Variants in PRKAA2 observed in about 807,000 individuals in gnomAD.
PRKAA2 encodes the protein 5'-AMP-activated protein kinase catalytic subunit alpha-2.
In PRKAA2, 40 loss-of-function variants were observed where a neutral mutation model predicts 56.3. The observed-to-expected ratio is 0.71, with a 90% confidence interval of 0.55 to 0.92. PRKAA2 has a LOEUF of 0.92. Among genes scored for constraint, PRKAA2 ranks in the 40% least tolerant of loss-of-function variants. The probability of loss-of-function intolerance (pLI) is 0.00; values close to 1 mark genes in which losing one functional copy is unlikely to be tolerated. For missense variants in PRKAA2, 542 were observed against 686.9 expected, an observed-to-expected ratio of 0.79 and a Z score of 2.36; for synonymous variants, 214 against 234.2, an observed-to-expected ratio of 0.91 and a Z score of 0.79.
chr1:56,690,999 G>T (rs1644225584), intron 2 of PRKAA2, among the ~76,000 whole-genome samples: 1 of 152,062 alleles, frequency 6.6e-6, no homozygotes, highest in Non-Finnish European at 1.5e-5. Flanking sequence ...CTCCCACCTT[G>T]GCCTTCCAAA....
chr1:56,647,724 T>C (rs1646654745), intron 1 of PRKAA2, among the ~76,000 whole-genome samples: 6 of 152,048 alleles, frequency 3.9e-5, no homozygotes, highest in Admixed American at 3.9e-4. Flanking sequence ...CATGTTTTTT[T>C]TTTTTGTTAG....
chr1:56,695,971 T>C lies in PRKAA2; in HGVS notation c.600T>C (p.Cys200=), dbSNP rs758847709. 2 of 1,612,512 alleles carry C rather than the reference T, an allele frequency of 1.2e-6. No homozygotes were observed. The highest frequency in any genetic ancestry group is 1.1e-5 in the South Asian group (1 of 90,948). ...YAGPEVDIWS[C]GVILYALLCG... ...GTCCTGAAGTTGATATCTGGAGCTG[T>C]GGTGTTATCTTGTATGCTCTTCTTT... Residue 200 remains cysteine, a synonymous_variant, in exon 6 of 9, where the codon TGT becomes TGC. Transcript: ENST00000371244.
intron 1 of PRKAA2, among the ~76,000 whole-genome samples, chr1:56,655,905 T>G (rs969534472): frequency 6.6e-6 from 1 of 152,178 alleles, no homozygotes; most frequent in African/African-American, 2.4e-5. Flanking sequence ...TGTCAGAGCC[T>G]CTACAGATTT....
At chr1:56,701,811 G>A (rs540895605) in intron 6 of PRKAA2, among the ~76,000 whole-genome samples, 4 of 151,398 alleles carry the variant, frequency 2.6e-5, no homozygotes, top group East Asian at 2.0e-4. Context: ...GGAGAATGGC[G>A]TGAACCCAGG....
At chr1:56,659,463 C>T (rs1643975789) in intron 1 of PRKAA2, among the ~76,000 whole-genome samples, 1 of 147,112 alleles carries the variant, frequency 6.8e-6, no homozygotes, top group African/African-American at 2.5e-5. Flanking sequence ...TGCCACCGCA[C>T]TCTAGCCTGG....
rs1644358568 is a variant in PRKAA2 at position 56,709,942 on chromosome 1, T to C, written c.*2229T>C. ...GAACTAATGGTCACAGTTTGGGTTC[T>C]TTTATGTGTATGTTTTTAAAACAGC... is the stretch of plus-strand genomic sequence containing the variant. On this transcript the variant is annotated 3_prime_UTR_variant, in exon 9 of 9. Transcript: ENST00000371244. 1 of 152,140 alleles carries C rather than the reference T, an allele frequency of 6.6e-6. No homozygotes were observed. Among genetic ancestry groups the C allele is most frequent in the Non-Finnish European group, 1.5e-5 (1 of 67,994 alleles). The allele number at this position is 152,140 out of a possible 1,614,324, so 9.4% of individuals were successfully genotyped here.
intron 4 of PRKAA2, among the ~76,000 whole-genome samples, chr1:56,693,117 G>A (rs1644239431): frequency 6.6e-6 from 1 of 152,126 alleles, no homozygotes; most frequent in Admixed American, 6.6e-5. Flanking sequence ...AGATTAAAGA[G>A]AAAGAGATAG....
At chr1:56,662,559 T>C (rs560913426) in intron 1 of PRKAA2, among the ~76,000 whole-genome samples, 1 of 152,254 alleles carries the variant, frequency 6.6e-6, no homozygotes, top group African/African-American at 2.4e-5. Flanking sequence ...CTAGGATTGA[T>C]TGCAGGCATG....
intron 1 of PRKAA2, among the ~76,000 whole-genome samples, chr1:56,652,297 T>C (rs10889004): frequency 0.87 from 132,413 of 151,976 alleles, 57,772 homozygotes; most frequent in Admixed American, 0.89. Flanking sequence ...AGGCGTGAGC[T>C]ATTGCGCCCG....
Position 56,692,408 on chromosome 1 carries a change from G to A in PRKAA2, c.381G>A (p.Val127=), listed in dbSNP as rs1381985860. 4 of 1,613,806 alleles carry A rather than the reference G, an allele frequency of 2.5e-6. No homozygotes were observed. The highest frequency in any genetic ancestry group is 1.3e-5 in the African/African-American group (1 of 74,884). Residue 127 remains valine (V), a synonymous_variant, in exon 4 of 9, where the codon GTG becomes GTA. Transcript: ENST00000371244. ...RRLFQQILSA[V]DYCHRHMVVH... ...TCTTTCAGCAGATTCTGTCTGCTGT[G>A]GATTACTGTCATAGGCATATGGTTG...
At chr1:56,645,874 G>T (rs1476533408) in intron 1 of PRKAA2, among the ~76,000 whole-genome samples, 2 of 152,190 alleles carry the variant, frequency 1.3e-5, no homozygotes, top group East Asian at 3.9e-4. Flanking sequence ...TTAGGGCGGG[G>T]ATCATCCACG....
chr1:56,653,837 C>T (rs1010675911), intron 1 of PRKAA2, among the ~76,000 whole-genome samples: 2 of 152,206 alleles, frequency 1.3e-5, no homozygotes, highest in East Asian at 1.9e-4. Context: ...TCACTTTTCA[C>T]CATCTTCTGT....
intron 1 of PRKAA2, among the ~76,000 whole-genome samples, chr1:56,671,130 T>C (rs115367301): frequency 1.4e-3 from 212 of 152,350 alleles, no homozygotes; most frequent in African/African-American, 5.0e-3. Flanking sequence ...GTAATATACA[T>C]AGAAGAAATT....
Position 56,712,572 on chromosome 1 carries a change from C to T in PRKAA2, c.*4859C>T, listed in dbSNP as rs1644375570. 1 of 152,140 alleles carries T rather than the reference C, an allele frequency of 6.6e-6. No individual in the cohort carries two copies. 9.4% of individuals were successfully genotyped at this position (152,140 alleles called of 1,614,324 possible). On this transcript the variant is annotated 3_prime_UTR_variant, in exon 9 of 9. Coordinates refer to ENST00000371244, the MANE Select transcript of PRKAA2 (RefSeq NM_006252.4). ...TCATTTTTGAAAAAGGAAAACTAGG[C>T]TGGGTGTAGTGGCTCATGCCTATAA...
At chr1:56,654,503 C>T (rs1000932286) in intron 1 of PRKAA2, among the ~76,000 whole-genome samples, 6 of 152,090 alleles carry the variant, frequency 3.9e-5, no homozygotes, top group African/African-American at 9.7e-5. Flanking sequence ...AAGTGGCTGG[C>T]ACAAGACCCT....
intron 6 of PRKAA2, among the ~76,000 whole-genome samples, chr1:56,701,142 A>AT (rs951857411): frequency 6.6e-6 from 1 of 152,086 alleles, no homozygotes; most frequent in Admixed American, 6.6e-5. Flanking sequence ...GGAATAATAG[A>AT]TTTTTTGAGT....
At chr1:56,696,750 C>T (rs1206334115) in intron 6 of PRKAA2, among the ~76,000 whole-genome samples, 1 of 152,148 alleles carries the variant, frequency 6.6e-6, no homozygotes, top group Non-Finnish European at 1.5e-5. Flanking sequence ...AGCTGCTAGT[C>T]AGCTTACTGT....
rs1644397470 is a variant in PRKAA2, at chr1:56,715,165, A to T, written c.*7452A>T. 1 of 152,194 alleles carries T rather than the reference A, an allele frequency of 6.6e-6. No individual in the cohort carries two copies. Among genetic ancestry groups the T allele is most frequent in the African/African-American group, 2.4e-5 (1 of 41,456 alleles). The allele number at this position is 152,194 out of a possible 1,614,324, so 9.4% of individuals were successfully genotyped here. Reference sequence around the variant, plus strand: ...GTCTTTCATTAACCATATGGAAAAGATGTCTTCCTGAATTACATAGCATTT... The same window carrying T: ...GTCTTTCATTAACCATATGGAAAAGTTGTCTTCCTGAATTACATAGCATTT... On this transcript the variant is annotated 3_prime_UTR_variant, in exon 9 of 9. Transcript: ENST00000371244.
At chr1:56,656,883 A>G (rs1345412898) in intron 1 of PRKAA2, among the ~76,000 whole-genome samples, 1 of 152,236 alleles carries the variant, frequency 6.6e-6, no homozygotes, top group Non-Finnish European at 1.5e-5. Context: ...ATCCTGAGGT[A>G]TGAATGTCAT....
Sources: allele counts gnomAD v4.1 joint callset (sites outside exome capture counted in the v4.1 genomes callset), GRCh38; gene constraint gnomAD v4.1.1; transcripts MANE v1.5; gene names NCBI Gene and HGNC (gene_info 2026-07-23, HGNC 2026-07-21).